The following SGCZ variants were observed in gnomAD, a reference collection of about 807,000 sequenced individuals.
SGCZ encodes sarcoglycan zeta.
A neutral mutation model predicts 41.3 loss-of-function variants in SGCZ; 40 were observed. That is an observed-to-expected ratio of 0.97 (90% CI 0.75 to 1.26). The LOEUF (loss-of-function observed/expected upper bound fraction) is 1.26, where lower values mean the gene tolerates loss of function less well. Among genes scored for constraint, SGCZ ranks in the 50% most tolerant of loss-of-function variants. The probability of loss-of-function intolerance (pLI) is 0.00; values close to 1 mark genes in which losing one functional copy is unlikely to be tolerated. For missense variants in SGCZ, 552 were observed against 369.8 expected, an observed-to-expected ratio of 1.49 and a Z score of -4.04; for synonymous variants, 206 against 137.5, an observed-to-expected ratio of 1.50 and a Z score of -3.49.
intron 5 of SGCZ, among the ~76,000 whole-genome samples, chr8:14,144,605 G>A (rs1459940676): frequency 6.6e-6 from 1 of 152,170 alleles, no homozygotes; most frequent in Non-Finnish European, 1.5e-5. Context: ...AGAGGGAAAA[G>A]TAAAAGGAAG....
chr8:14,895,613 A>T (rs1805168458), intron 1 of SGCZ, among the ~76,000 whole-genome samples: 1 of 152,230 alleles, frequency 6.6e-6, no homozygotes, highest in Non-Finnish European at 1.5e-5. Flanking sequence ...TCTTCATAAC[A>T]GAACAAAATA....
At chr8:14,932,399 T>C (rs941265782) in intron 1 of SGCZ, among the ~76,000 whole-genome samples, 10 of 152,024 alleles carry the variant, frequency 6.6e-5, no homozygotes, top group Non-Finnish European at 1.2e-4. Context: ...AAAATGTCTC[T>C]TTCATCATGA....
At chr8:14,401,270 T>G (rs1220889427) in intron 2 of SGCZ, among the ~76,000 whole-genome samples, 1 of 143,588 alleles carries the variant, frequency 7.0e-6, no homozygotes, top group African/African-American at 2.5e-5. Flanking sequence ...ATATATAGTT[T>G]TATTTTTATT....
At chr8:14,207,074 T>C (rs1041951237) in intron 4 of SGCZ, among the ~76,000 whole-genome samples, 1 of 112,534 alleles carries the variant, frequency 8.9e-6, no homozygotes, top group Non-Finnish European at 1.8e-5. Flanking sequence ...TAGTGCTCTA[T>C]TTTCAAATAT....
chr8:14,695,352 TA>T (rs1184080954), intron 1 of SGCZ, among the ~76,000 whole-genome samples: 1 of 152,154 alleles, frequency 6.6e-6, no homozygotes, highest in Non-Finnish European at 1.5e-5. Flanking sequence ...GTATTGCAAC[TA>T]ATTAAAGCAG....
intron 1 of SGCZ, among the ~76,000 whole-genome samples, chr8:14,614,712 A>AATCAAAGG (rs1806039113): frequency 6.6e-6 from 1 of 152,174 alleles, no homozygotes; most frequent in Non-Finnish European, 1.5e-5. Context: ...AAATGTGTAG[A>AATCAAAGG]TAAAAGAGAA....
chr8:14,506,689 G>C (rs12386824), intron 2 of SGCZ, among the ~76,000 whole-genome samples: 10,849 of 152,158 alleles, frequency 0.071, 597 homozygotes, highest in African/African-American at 0.15. Flanking sequence ...TTATAATGCT[G>C]TGATCAAGGA....
chr8:14,780,969 G>C (rs994381504), intron 1 of SGCZ, among the ~76,000 whole-genome samples: 4 of 152,088 alleles, frequency 2.6e-5, no homozygotes, highest in African/African-American at 9.7e-5. Flanking sequence ...AAAGAAACCA[G>C]GTTGTTGTCT....
At chr8:14,185,183 C>T (rs570721751) in intron 4 of SGCZ, among the ~76,000 whole-genome samples, 4 of 152,104 alleles carry the variant, frequency 2.6e-5, no homozygotes, top group South Asian at 2.1e-4. Flanking sequence ...GGGTGGATCA[C>T]GAGGTCAGGA....
At chr8:14,309,463 T>C in intron 3 of SGCZ, 3 of 1,606,100 alleles carry the variant, frequency 1.9e-6, no homozygotes, top group Non-Finnish European at 2.6e-6. Flanking sequence ...GCAGTGATGA[T>C]GTATGTGGCG....
chr8:14,405,856 G>A (rs556249869), intron 2 of SGCZ, among the ~76,000 whole-genome samples: 7 of 148,530 alleles, frequency 4.7e-5, no homozygotes, highest in Non-Finnish European at 8.8e-5. Flanking sequence ...TAATATCTTA[G>A]TCATTTGTGT....
chr8:14,379,650 T>G (rs1247917714), intron 2 of SGCZ, among the ~76,000 whole-genome samples: 2 of 152,080 alleles, frequency 1.3e-5, no homozygotes. Flanking sequence ...CATGTAATAA[T>G]AGGCAAACAC....
intron 1 of SGCZ, among the ~76,000 whole-genome samples, chr8:14,886,967 G>A (rs568385243): frequency 7.2e-5 from 11 of 152,098 alleles, no homozygotes; most frequent in Admixed American, 2.0e-4. Flanking sequence ...ACAGTGGGGG[G>A]TAAGAGAATC....
At chr8:14,618,950 T>A (rs184308461) in intron 1 of SGCZ, among the ~76,000 whole-genome samples, 125 of 152,186 alleles carry the variant, frequency 8.2e-4, no homozygotes, top group Non-Finnish European at 1.4e-3. Context: ...AGAGAACATG[T>A]TTTATGGAAA....
chr8:14,107,250 AAC>A (rs975347908), intron 6 of SGCZ, among the ~76,000 whole-genome samples: 10 of 152,038 alleles, frequency 6.6e-5, no homozygotes, highest in South Asian at 4.1e-4. Context: ...AAAAAAAAAA[AAC>A]ATCCACTGAG....
intron 1 of SGCZ, among the ~76,000 whole-genome samples, chr8:14,988,928 G>A (rs148412278): frequency 7.2e-5 from 11 of 152,192 alleles, no homozygotes; most frequent in African/African-American, 1.2e-4. Flanking sequence ...CATTGATTAC[G>A]AAGCCTGGAA....
At chr8:14,703,472 G>C (rs765324495) in intron 1 of SGCZ, among the ~76,000 whole-genome samples, 1 of 151,924 alleles carries the variant, frequency 6.6e-6, no homozygotes, top group African/African-American at 2.4e-5. Flanking sequence ...GGGAGTCACT[G>C]TCAACACTCT....
chr8:15,021,265 A>C (rs767946177), intron 1 of SGCZ, among the ~76,000 whole-genome samples: 54 of 152,324 alleles, frequency 3.5e-4, no homozygotes, highest in Middle Eastern at 6.8e-3. Context: ...GCTGCAAATT[A>C]ATTTGATTAT....
At position 14,770,034 on chromosome 8, in the gene SGCZ, T is replaced by C. The variant is rs80010516; in HGVS notation, c.40-215108A>G. 8.6e-5 allele frequency among the ~76,000 whole-genome samples: 13 copies of C among 151,602 alleles called. No homozygotes were observed. The East Asian group carries it at 2.5e-3, about 29-fold the overall frequency. On this transcript the variant is annotated intron_variant, in intron 1 of 7. Coordinates refer to ENST00000382080, the MANE Select transcript of SGCZ (RefSeq NM_139167.4). Reference sequence around the variant, plus strand: ...TCCCTTGTGTCTTCATAACTTTGCATTGTGCACCAATTTGTTTTTTCATTT... The same window carrying C: ...TCCCTTGTGTCTTCATAACTTTGCACTGTGCACCAATTTGTTTTTTCATTT...
Sources: gnomAD v4.1 joint callset for allele counts (sites outside exome capture counted in the v4.1 genomes callset) on GRCh38, gnomAD v4.1.1 for gene constraint, MANE v1.5 for transcripts, NCBI Gene and HGNC (gene_info 2026-07-23, HGNC 2026-07-21) for gene names.